LRRC63: variants seen among roughly 807,000 people sequenced by gnomAD.
LRRC63 encodes the protein leucine-rich repeat-containing protein 63.
LRRC63 carries 40 observed loss-of-function variants against 49.5 expected under a neutral mutation model. The ratio of observed to expected loss-of-function variants is 0.81; its 90% CI spans 0.63 to 1.05. The LOEUF is 1.05. Ranked by LOEUF, LRRC63 falls within the 50% of genes least tolerant of loss-of-function variation. The pLI, the probability that LRRC63 is intolerant of heterozygous loss-of-function variation, is 0.00. For missense variants in LRRC63, 636 were observed against 663.1 expected, an observed-to-expected ratio of 0.96 and a Z score of 0.45; for synonymous variants, 191 against 221.1, an observed-to-expected ratio of 0.86 and a Z score of 1.21.
exon 9 of LRRC63, chr13:46,266,781 C>G (rs764266006): frequency 6.5e-7 from 1 of 1,549,532 alleles, no homozygotes; most frequent in South Asian, 1.2e-5. Flanking sequence ...GTTTTTTCCC[C>G]CATGGAATTT....
chr13:46,234,326 G>C (rs2046846512), exon 5 of LRRC63: 1 of 1,550,002 alleles, frequency 6.5e-7, no homozygotes, highest in South Asian at 1.2e-5. Flanking sequence ...TCAAGTATAT[G>C]GGAGAAATGC....
At chr13:46,240,348 C>G (rs1254250045) in intron 5 of LRRC63, among the ~76,000 whole-genome samples, 1 of 151,898 alleles carries the variant, frequency 6.6e-6, no homozygotes, top group East Asian at 1.9e-4. Context: ...AGGATGGTCT[C>G]TATCTCCTAA....
chr13:46,258,544 T>A (rs940990090), intron 7 of LRRC63, among the ~76,000 whole-genome samples: 1 of 149,082 alleles, frequency 6.7e-6, no homozygotes, highest in Admixed American at 6.7e-5. Flanking sequence ...GCATGGTGGC[T>A]CACGCCTGTA....
intron 5 of LRRC63, among the ~76,000 whole-genome samples, chr13:46,239,016 T>C (rs964382058): frequency 2.0e-5 from 3 of 152,192 alleles, no homozygotes; most frequent in Non-Finnish European, 2.9e-5. Flanking sequence ...TAGCACTGAA[T>C]GTCCACATCA....
intron 2 of LRRC63, among the ~76,000 whole-genome samples, chr13:46,219,356 T>G (rs750481295): frequency 1.1e-4 from 17 of 152,360 alleles, no homozygotes; most frequent in South Asian, 6.2e-4. Flanking sequence ...TAAGTTGATC[T>G]TCAGTCTCTG....
intron 8 of LRRC63, among the ~76,000 whole-genome samples, chr13:46,263,126 A>G (rs2047637223): frequency 6.7e-6 from 1 of 149,916 alleles, no homozygotes; most frequent in Non-Finnish European, 1.5e-5. Context: ...CCCTTTTCCT[A>G]CCTATTTTTT....
rs568736515 is a variant in LRRC63, at chr13:46,246,609, A to C, written c.1073A>C (p.His358Pro). The change falls in exon 6 of 10, where the codon CAT (histidine) becomes CCT (proline). Residue 358 changes from histidine to proline, a missense_variant. Physicochemically the swap from His to Pro is moderately conservative, Grantham distance 77 (BLOSUM62 -2). Transcript: ENST00000595396. ...CTTAATTTATCATTTAATGATCTTC[A>C]TTACTTTCCCACAGAAGTGAGTCAA... is the stretch of plus-strand genomic sequence containing the variant. 6.8e-5 allele frequency: 98 copies of C among 1,444,316 alleles called. No homozygotes were observed. In the Admixed American group the frequency reaches 7.8e-4, roughly 12 times the overall value. 89.5% of individuals were successfully genotyped at this position (1,444,316 alleles called of 1,614,324 possible).
At chr13:46,244,871 T>C (rs2047169798) in intron 5 of LRRC63, among the ~76,000 whole-genome samples, 1 of 152,170 alleles carries the variant, frequency 6.6e-6, no homozygotes, top group African/African-American at 2.4e-5. Context: ...TTAGTAATTT[T>C]GTTAAAGGTA....
chr13:46,245,045 G>A (rs942939718), intron 5 of LRRC63, among the ~76,000 whole-genome samples: 1 of 152,120 alleles, frequency 6.6e-6, no homozygotes, highest in African/African-American at 2.4e-5. Context: ...AAGCTCTTAT[G>A]GCTGTATTAG....
chr13:46,223,395 A>G (rs2046466663), intron 2 of LRRC63, among the ~76,000 whole-genome samples: 1 of 148,858 alleles, frequency 6.7e-6, no homozygotes, highest in South Asian at 2.1e-4. Flanking sequence ...TTTCCTCAGC[A>G]TTTGCTTGTC....
At chr13:46,218,971 G>A (rs1050307979) in intron 2 of LRRC63, among the ~76,000 whole-genome samples, 7 of 152,160 alleles carry the variant, frequency 4.6e-5, no homozygotes, top group South Asian at 4.1e-4. Flanking sequence ...AGAGAGATCC[G>A]CTGTTAGTCT....
At chr13:46,257,406 G>A (rs1294291838) in intron 7 of LRRC63, among the ~76,000 whole-genome samples, 1 of 152,134 alleles carries the variant, frequency 6.6e-6, no homozygotes, top group Non-Finnish European at 1.5e-5. Context: ...GTTGTTGTAC[G>A]CCACTGTTTG....
At chr13:46,226,528 G>A (rs1183401778) in intron 2 of LRRC63, among the ~76,000 whole-genome samples, 4 of 152,120 alleles carry the variant, frequency 2.6e-5, no homozygotes, top group Admixed American at 6.5e-5. Flanking sequence ...AGTCAGGGAG[G>A]TGGATAGGGG....
chr13:46,241,748 C>T (rs1261957784), intron 5 of LRRC63, among the ~76,000 whole-genome samples: 2 of 151,732 alleles, frequency 1.3e-5, no homozygotes, highest in Admixed American at 6.6e-5. Flanking sequence ...TAGAGAAATG[C>T]AAATCAAAAT....
At chr13:46,224,241 G>A (rs958753644) in intron 2 of LRRC63, among the ~76,000 whole-genome samples, 25 of 152,156 alleles carry the variant, frequency 1.6e-4, no homozygotes, top group African/African-American at 5.8e-4. Flanking sequence ...AAGCCTTTGC[G>A]GATTCTTTTA....
chr13:46,242,336 G>A (rs2047086875), intron 5 of LRRC63, among the ~76,000 whole-genome samples: 1 of 152,114 alleles, frequency 6.6e-6, no homozygotes, highest in African/African-American at 2.4e-5. Context: ...TGGGAAGAGG[G>A]AGAGGATTAG....
intron 9 of LRRC63, among the ~76,000 whole-genome samples, chr13:46,274,621 T>C (rs1351755753): frequency 6.6e-6 from 1 of 152,194 alleles, no homozygotes; most frequent in African/African-American, 2.4e-5. Context: ...TCCACTTCCA[T>C]TGAGAATGGG....
At chr13:46,262,543 G>A (rs12584098) in intron 8 of LRRC63, among the ~76,000 whole-genome samples, 44,364 of 151,924 alleles carry the variant, frequency 0.29, 6,866 homozygotes, top group East Asian at 0.38. Flanking sequence ...ACATCCAGCA[G>A]CACACATAAT....
At chr13:46,237,150 A>G (rs2138452631) in intron 5 of LRRC63, among the ~76,000 whole-genome samples, 1 of 152,322 alleles carries the variant, frequency 6.6e-6, no homozygotes, top group East Asian at 1.9e-4. Context: ...AAAACCAACA[A>G]TGACAAAACA....
Sources: allele counts gnomAD v4.1 joint callset (sites outside exome capture counted in the v4.1 genomes callset), GRCh38; gene constraint gnomAD v4.1.1; transcripts MANE v1.5; gene names NCBI Gene and HGNC (gene_info 2026-07-23, HGNC 2026-07-21).